Variants in DNAJC5 observed in about 807,000 individuals in gnomAD.
The protein encoded by DNAJC5 is dnaJ homolog subfamily C member 5.
Under a neutral mutation model 23.2 loss-of-function variants are expected in DNAJC5, and 1 was observed. The observed-to-expected ratio is 0.04, with a 90% CI of 0.02 to 0.20. DNAJC5 has a LOEUF of 0.20. DNAJC5 is among the 10% of genes least tolerant of loss of function. The pLI is 1.00. For missense variants in DNAJC5, 180 were observed against 267.0 expected (o/e 0.67, Z 2.27); for synonymous variants, 136 against 120.0 (o/e 1.13, Z -0.87).
rs541319164 is a variant in DNAJC5, at chr20:63,932,651, C to T, written c.*1083C>T. 3.9e-5 allele frequency: 6 copies of T among 152,564 alleles called. No individual in the cohort carries two copies. The highest frequency in any genetic ancestry group is 3.3e-4 in the Admixed American group (5 of 15,302). 9.5% of individuals were successfully genotyped at this position (152,564 alleles called of 1,614,324 possible). A position where few individuals can be genotyped will look rare whatever the true frequency, so the allele number is the denominator to read the frequency against. ...GCCCCACTCGCCTTTGCCCCGTCAT[C>T]GATGATTCAGGCAGAGCCAGATTCG... On this transcript the variant is annotated 3_prime_UTR_variant, in exon 5 of 5. Coordinates refer to ENST00000360864, the MANE Select transcript of DNAJC5 (RefSeq NM_025219.3). The surrounding 1 kb of genome is among the most constrained non-coding windows in gnomAD (Gnocchi z 4.4).
Position 63,933,323 on chromosome 20 carries a change from A to T in DNAJC5, c.*1755A>T, listed in dbSNP as rs2053690005. ...AAAAGGGACATGGATATGAGGATACATCTGGACGTGCTTAGGAACAGGGTG... is the reference window on the plus strand; with the variant it reads ...AAAAGGGACATGGATATGAGGATACTTCTGGACGTGCTTAGGAACAGGGTG... On this transcript the variant is annotated 3_prime_UTR_variant, in exon 5 of 5. Transcript: ENST00000360864. The T allele has an allele frequency of 6.6e-6, 1 of 152,288 alleles. No individual in the cohort carries two copies. The highest frequency in any genetic ancestry group is 1.5e-5 in the Non-Finnish European group (1 of 68,062). The allele number at this position is 152,288 out of a possible 1,614,324, so 9.4% of individuals were successfully genotyped here.
chr20:63,904,374 C>T (rs1252497235), intron 1 of DNAJC5, among the ~76,000 whole-genome samples: 1 of 152,182 alleles, frequency 6.6e-6, no homozygotes, highest in African/African-American at 2.4e-5. Context: ...GGTTGGGTAA[C>T]CCTAACTGAT....
chr20:63,897,055 C>T (rs1051557043), intron 1 of DNAJC5, among the ~76,000 whole-genome samples: 1 of 152,148 alleles, frequency 6.6e-6, no homozygotes, highest in South Asian at 2.1e-4. Context: ...TAAATCTTTT[C>T]GCAACTTTGA....
chr20:63,901,345 C>T (rs372717496), intron 1 of DNAJC5, among the ~76,000 whole-genome samples: 149 of 152,346 alleles, frequency 9.8e-4, no homozygotes, highest in African/African-American at 3.3e-3. Context: ...CCAGCCCCAT[C>T]GGCTGTGCCC....
At chr20:63,912,355 A>G (rs908073409) in intron 1 of DNAJC5, among the ~76,000 whole-genome samples, 2 of 151,680 alleles carry the variant, frequency 1.3e-5, no homozygotes, top group Non-Finnish European at 2.9e-5. Flanking sequence ...TGTGGCACAC[A>G]GCGTCTTTTC....
At chr20:63,925,057 T>G (rs2053600866) in intron 1 of DNAJC5, among the ~76,000 whole-genome samples, 1 of 152,228 alleles carries the variant, frequency 6.6e-6, no homozygotes, top group Non-Finnish European at 1.5e-5. Context: ...TTCCCCTACC[T>G]GAAGGCAGGA....
intron 1 of DNAJC5, among the ~76,000 whole-genome samples, chr20:63,903,754 A>C (rs139982611): frequency 2.1e-4 from 32 of 151,892 alleles, no homozygotes; most frequent in African/African-American, 7.7e-4. Context: ...GTTTGAGACT[A>C]GCCTGGCCAA....
chr20:63,898,210 G>A (rs1346879282), intron 1 of DNAJC5, among the ~76,000 whole-genome samples: 2 of 152,198 alleles, frequency 1.3e-5, no homozygotes, highest in South Asian at 4.1e-4. Context: ...AGGTGCTCAC[G>A]TGTGTGCCTG....
intron 1 of DNAJC5, among the ~76,000 whole-genome samples, chr20:63,903,945 G>A (rs2053430820): frequency 6.6e-6 from 1 of 152,156 alleles, no homozygotes; most frequent in South Asian, 2.1e-4. Flanking sequence ...AGTTAGCTGG[G>A]CGTGGTGGTG....
chr20:63,934,757 C>T lies in DNAJC5; in HGVS notation c.*3189C>T, dbSNP rs2053703836. ...AAAGGAACTGGCATGCACACGTGCC[C>T]AGCAGGAAAAGCTTCGTCTTCACGT... On this transcript the variant is annotated 3_prime_UTR_variant, in exon 5 of 5. Coordinates refer to ENST00000360864, the MANE Select transcript of DNAJC5 (RefSeq NM_025219.3). The T allele has an allele frequency of 6.6e-6, 1 of 152,274 alleles. No individual in the cohort carries two copies. Among genetic ancestry groups the T allele is most frequent in the South Asian group, 2.1e-4 (1 of 4,832 alleles). 9.4% of individuals were successfully genotyped at this position (152,274 alleles called of 1,614,324 possible). A position where few individuals can be genotyped will look rare whatever the true frequency, so the allele number is the denominator to read the frequency against.
At chr20:63,909,498 G>A (rs903635714) in intron 1 of DNAJC5, among the ~76,000 whole-genome samples, 6 of 151,952 alleles carry the variant, frequency 3.9e-5, no homozygotes, top group South Asian at 2.1e-4. Context: ...GCGAGATTCC[G>A]TCTCAAAAAC....
intron 1 of DNAJC5, among the ~76,000 whole-genome samples, chr20:63,919,221 C>G (rs141208932): frequency 9.2e-5 from 14 of 152,258 alleles, no homozygotes; most frequent in African/African-American, 1.2e-4. Flanking sequence ...ACCTGCTAAA[C>G]TGCAAGCTGC....
chr20:63,902,613 T>C (rs1600860009), intron 1 of DNAJC5, among the ~76,000 whole-genome samples: 4 of 129,508 alleles, frequency 3.1e-5, no homozygotes, highest in Admixed American at 7.8e-5. Context: ...GGTGATCCAC[T>C]CACCTCGGCC....
chr20:63,906,359 A>G (rs1893117634), intron 1 of DNAJC5, among the ~76,000 whole-genome samples: 1 of 152,028 alleles, frequency 6.6e-6, no homozygotes, highest in South Asian at 2.1e-4. Context: ...GGTGTGGTGC[A>G]GGCACCTGTA....
chr20:63,905,586 T>TC (rs1231814910), intron 1 of DNAJC5, among the ~76,000 whole-genome samples: 5 of 148,800 alleles, frequency 3.4e-5, no homozygotes, highest in East Asian at 2.0e-4. Flanking sequence ...TTTTTTTTTT[T>TC]CACGGAGTCT....
intron 1 of DNAJC5, among the ~76,000 whole-genome samples, chr20:63,922,220 G>A (rs931066557): frequency 3.3e-5 from 5 of 150,976 alleles, no homozygotes; most frequent in Non-Finnish European, 5.9e-5. Context: ...CCAGCACTTC[G>A]AGAGGCCGAG....
At chr20:63,911,329 G>C (rs1030784666) in intron 1 of DNAJC5, among the ~76,000 whole-genome samples, 1 of 152,172 alleles carries the variant, frequency 6.6e-6, no homozygotes. Context: ...AGGTGTGGCC[G>C]CTGGTCTTGT....
chr20:63,929,727 C>T lies in DNAJC5; in HGVS notation c.321+202C>T, dbSNP rs1037497030. Among the ~76,000 whole-genome samples the T allele has an allele frequency of 1.3e-5, 2 of 151,082 alleles. No homozygotes were observed. Among genetic ancestry groups the T allele is most frequent in the Non-Finnish European group, 2.9e-5 (2 of 67,974 alleles). On this transcript the variant is annotated intron_variant, in intron 3 of 4. Coordinates refer to ENST00000360864, the MANE Select transcript of DNAJC5 (RefSeq NM_025219.3). This position sits in a 1 kb window ranked among gnomAD's most constrained non-coding sequence, Gnocchi z 8.6. ...GTGCGGGCGCCCGAGTCACTCCTGC[C>T]GTGCGGGCACCCGAGTCTCTCCTGC...
chr20:63,916,289 C>T (rs1246182490), intron 1 of DNAJC5, among the ~76,000 whole-genome samples: 1 of 152,174 alleles, frequency 6.6e-6, no homozygotes, highest in African/African-American at 2.4e-5. Context: ...TAGGTTCTTT[C>T]TATTTTCCAT....
Sources: gnomAD v4.1 joint callset for allele counts (sites outside exome capture counted in the v4.1 genomes callset) on GRCh38, gnomAD v4.1.1 for gene constraint, Gnocchi (gnomAD v3.1) non-coding constraint, MANE v1.5 for transcripts, NCBI Gene and HGNC (gene_info 2026-07-23, HGNC 2026-07-21) for gene names.